Variants in DMD observed in about 807,000 individuals in gnomAD.
DMD encodes dystrophin.
In DMD, 63 loss-of-function variants were observed where a neutral mutation model predicts 330.1. That is an observed-to-expected ratio of 0.19 (90% CI 0.16 to 0.24). The LOEUF is 0.24. Among genes scored for constraint, DMD ranks in the 10% least tolerant of loss-of-function variants. The probability of loss-of-function intolerance (pLI) is 1.00; values close to 1 mark genes in which losing one functional copy is unlikely to be tolerated. For missense variants in DMD, 3,344 were observed against 2,684.1 expected, an observed-to-expected ratio of 1.25 and a Z score of -5.43; for synonymous variants, 1,223 against 959.8, an observed-to-expected ratio of 1.27 and a Z score of -5.07.
At chrX:31,621,251 T>C (rs890797599) in intron 55 of DMD, among the ~76,000 whole-genome samples, 2 of 111,833 alleles carry the variant, frequency 1.8e-5, no homozygotes, top group African/African-American at 6.5e-5. Flanking sequence ...ACAAAACATA[T>C]GACAGTGTTG....
chrX:32,259,340 T>C (rs985364584), intron 43 of DMD, among the ~76,000 whole-genome samples: 1 of 111,418 alleles, frequency 9.0e-6, no homozygotes, highest in Non-Finnish European at 1.9e-5. Flanking sequence ...ACATTTAATA[T>C]GTATTCATGC....
intron 4 of DMD, among the ~76,000 whole-genome samples, chrX:32,824,007 T>A (rs1426487909): frequency 8.9e-6 from 1 of 112,001 alleles, no homozygotes; most frequent in South Asian, 3.7e-4. Context: ...TATGAAAAGA[T>A]GTTCAATGTT....
At chrX:31,391,822 G>T (rs1210609833) in intron 60 of DMD, among the ~76,000 whole-genome samples, 1 of 110,363 alleles carries the variant, frequency 9.1e-6, no homozygotes, top group African/African-American at 3.3e-5. Context: ...AGTGAGCCGA[G>T]ATCACGCCAC....
chrX:33,174,528 A>T (rs757400110), intron 1 of DMD, among the ~76,000 whole-genome samples: 1 of 111,677 alleles, frequency 9.0e-6, no homozygotes, highest in South Asian at 3.7e-4. Context: ...ATATTTGCAT[A>T]TATTAACTTA....
chrX:32,716,382 G>A (rs142574585), intron 7 of DMD, among the ~76,000 whole-genome samples: 445 of 110,761 alleles, frequency 4.0e-3, no homozygotes, highest in Non-Finnish European at 7.3e-3. Flanking sequence ...GCCATGTAAG[G>A]TATAAGATGT....
At chrX:33,193,758 T>A (rs1224029250) in intron 1 of DMD, among the ~76,000 whole-genome samples, 2 of 112,162 alleles carry the variant, frequency 1.8e-5, no homozygotes, top group Non-Finnish European at 3.8e-5. Context: ...GTTTTTGAAG[T>A]TATCTGAGAG....
At chrX:32,099,193 C>G (rs1447734438) in intron 44 of DMD, among the ~76,000 whole-genome samples, 20 of 111,871 alleles carry the variant, frequency 1.8e-4, no homozygotes, top group Admixed American at 1.9e-4. Context: ...GCCATTCTAA[C>G]TGGTGTGAGA....
At chrX:31,860,256 C>A (rs986021640) in intron 48 of DMD, among the ~76,000 whole-genome samples, 3 of 112,226 alleles carry the variant, frequency 2.7e-5, no homozygotes, top group African/African-American at 9.7e-5. Flanking sequence ...AAAGTATAAA[C>A]ATATTTAGGG....
intron 7 of DMD, among the ~76,000 whole-genome samples, chrX:32,806,333 AAAAC>A (rs1306095287): frequency 1.8e-5 from 2 of 111,109 alleles, no homozygotes; most frequent in East Asian, 5.6e-4. Flanking sequence ...AGATTTAAAA[AAAAC>A]AAAAAAAGAC....
intron 49 of DMD, among the ~76,000 whole-genome samples, chrX:31,831,788 G>T (rs140500855): frequency 9.0e-6 from 1 of 111,543 alleles, no homozygotes; most frequent in East Asian, 2.8e-4. Context: ...ATTTTTAGTA[G>T]AGATGGGGTT....
chrX:32,996,062 T>C (rs2093110728), intron 2 of DMD, among the ~76,000 whole-genome samples: 1 of 112,044 alleles, frequency 8.9e-6, no homozygotes, highest in South Asian at 3.7e-4. Flanking sequence ...AATGAAAACG[T>C]AGTACTTGAT....
At chrX:31,396,548 G>GTTTTTTTTT (rs56745544) in intron 60 of DMD, among the ~76,000 whole-genome samples, 1 of 66,067 alleles carries the variant, frequency 1.5e-5, no homozygotes, top group African/African-American at 6.0e-5. Context: ...AAATCCCAGG[G>GTTTTTTTTT]TTTTTTTTTT....
intron 43 of DMD, among the ~76,000 whole-genome samples, chrX:32,270,884 CAGCATTATTGTGGTTGT>C (rs1304939317): frequency 4.5e-5 from 5 of 111,541 alleles, no homozygotes; most frequent in Admixed American, 3.8e-4. Flanking sequence ...GCTTGTCACA[CAGCATTATTGTGGTTGT>C]AGCTGACTAA....
chrX:32,617,426 G>T (rs2057669668), intron 11 of DMD, among the ~76,000 whole-genome samples: 1 of 111,379 alleles, frequency 9.0e-6, no homozygotes, highest in Admixed American at 9.6e-5. Flanking sequence ...GCATTCAACT[G>T]ATTTTGGACA....
chrX:31,659,024 A>G (rs2080955873), intron 53 of DMD, among the ~76,000 whole-genome samples: 2 of 112,170 alleles, frequency 1.8e-5, no homozygotes, highest in African/African-American at 6.5e-5. Context: ...AAAGAGTGGG[A>G]TGATTTTATT....
intron 2 of DMD, among the ~76,000 whole-genome samples, chrX:33,009,444 A>ATGTG (rs2093555800): frequency 7.5e-5 from 2 of 26,632 alleles, no homozygotes; most frequent in Non-Finnish European, 1.4e-4. Context: ...GTATACACAT[A>ATGTG]TGTATGTATG....
rs2066967298 is a variant in DMD, at chrX:32,727,024, T to A, written c.650-27731A>T. 2.7e-5 allele frequency among the ~76,000 whole-genome samples: 3 copies of A among 110,799 alleles called. No homozygotes were observed. The South Asian group carries it at 1.1e-3, about 42-fold the overall frequency. ...CTTTTCAAATGGTTAAAGGCAGTCA[T>A]GGTTCCTCTAGGTTGAAGTAAAATC... On this transcript the variant is annotated intron_variant, in intron 7 of 78. Transcript: ENST00000357033.
At chrX:31,324,941 G>C (rs2056673535) in intron 61 of DMD, among the ~76,000 whole-genome samples, 1 of 112,170 alleles carries the variant, frequency 8.9e-6, no homozygotes, top group African/African-American at 3.2e-5. Flanking sequence ...GTAATAGAGG[G>C]ATCAAATCAC....
intron 2 of DMD, among the ~76,000 whole-genome samples, chrX:33,010,185 T>A (rs1236200189): frequency 2.4e-5 from 2 of 84,020 alleles, no homozygotes; most frequent in Non-Finnish European, 5.2e-5. Context: ...CATATATTTG[T>A]GTATGTATAT....
Sources: allele counts gnomAD v4.1 joint callset (sites outside exome capture counted in the v4.1 genomes callset), GRCh38; gene constraint gnomAD v4.1.1; transcripts MANE v1.5; gene names NCBI Gene and HGNC (gene_info 2026-07-23, HGNC 2026-07-21).